SLIRP: variants seen among roughly 807,000 people sequenced by gnomAD.
The protein encoded by SLIRP is SRA stem-loop-interacting RNA-binding protein, mitochondrial.
SLIRP carries 12 observed loss-of-function variants against 13.4 expected under a neutral mutation model. The ratio of observed to expected loss-of-function variants is 0.89; its 90% confidence interval spans 0.57 to 1.45. SLIRP has a LOEUF of 1.45. Ranked by LOEUF, SLIRP falls within the 40% of genes most tolerant of loss-of-function variation. The pLI, the probability that SLIRP is intolerant of heterozygous loss-of-function variation, is 0.00. For synonymous variants in SLIRP, 55 were observed against 47.1 expected, an observed-to-expected ratio of 1.17 and a Z score of -0.69; for missense variants, 154 against 132.2, an observed-to-expected ratio of 1.17 and a Z score of -0.81.
In SLIRP at chr14:77,715,840, T is replaced by C; in HGVS notation, c.225T>C (p.Asn75=). The change falls in exon 3 of 4, where the codon AAT becomes AAC. Residue 75 remains asparagine (N), a synonymous_variant. Transcript: ENST00000557342. ...TTTCTTCAGAAGAAGGACTTCGGAA[T>C]GCACTACAACAGGAAAATCATATTA... is the stretch of plus-strand genomic sequence containing the variant. ...VQFSSEEGLR[N]ALQQENHIID... 6.2e-7 allele frequency: 1 copy of C among 1,614,114 alleles called. No homozygotes were observed. The highest frequency in any genetic ancestry group is 8.5e-7 in the Non-Finnish European group (1 of 1,180,012).
intron 2 of SLIRP, among the ~76,000 whole-genome samples, chr14:77,712,196 G>C (rs2080445594): frequency 6.6e-6 from 1 of 152,008 alleles, no homozygotes; most frequent in Non-Finnish European, 1.5e-5. Flanking sequence ...TGTCAGCTGG[G>C]GCTGTGGTGT....
intron 3 of SLIRP, among the ~76,000 whole-genome samples, chr14:77,716,673 G>A (rs1461001257): frequency 6.6e-6 from 1 of 150,448 alleles, no homozygotes; most frequent in Non-Finnish European, 1.5e-5. Flanking sequence ...AATGGGGGGT[G>A]GTAGAGTGCC....
In SLIRP at chr14:77,717,555, T is replaced by C. The variant is rs1288223078; in HGVS notation, c.324T>C (p.Asp108=). Residue 108 remains aspartate (D), a synonymous_variant, in exon 4 of 4, where the codon GAT becomes GAC. Coordinates refer to ENST00000557342, the MANE Select transcript of SLIRP (RefSeq NM_031210.6). ...AAACATCTGATGATGAAAAGAAAGA[T>C]TTTTGAGACTGCAGCCTATTAATAA... ...LPQTSDDEKK[D]F The C allele has an allele frequency of 1.2e-6, 2 of 1,613,246 alleles. No homozygotes were observed. The highest frequency in any genetic ancestry group is 3.3e-5 in the Admixed American group (2 of 59,978).
chr14:77,717,390 G>C, intron 3 of SLIRP, 106 bp from the exon 4 acceptor site: 1 of 920,636 alleles, frequency 1.1e-6, no homozygotes. Flanking sequence ...AATAAAAACT[G>C]CCTGGGTTAT....
intron 2 of SLIRP, among the ~76,000 whole-genome samples, chr14:77,712,945 AAC>A (rs2080452120): frequency 6.6e-6 from 1 of 151,994 alleles, no homozygotes; most frequent in African/African-American, 2.4e-5. Context: ...TCTTATACAG[AAC>A]ATAATCACAG....
chr14:77,710,733 A>G, intron 1 of SLIRP, 105 bp from the exon 2 acceptor site: 1 of 1,576,922 alleles, frequency 6.3e-7, no homozygotes, highest in South Asian at 1.1e-5. Context: ...GGAAATGCAA[A>G]GTAGTTCCTG....
In SLIRP at chr14:77,717,546, AAAG is replaced by A; in HGVS notation, c.318_320del (p.Lys107del). 6.2e-7 allele frequency: 1 copy of A among 1,613,840 alleles called. No homozygotes were observed. The highest frequency in any genetic ancestry group is 1.7e-5 in the Admixed American group (1 of 59,990). On this transcript the variant is annotated inframe_deletion, in exon 4 of 4. Transcript: ENST00000557342. ...AACTTCCGCAAACATCTGATGATGA[AAAG>A]AAAGATTTTTGAGACTGCAGCCTAT...
At chr14:77,710,261 G>A (rs1255284184) in intron 1 of SLIRP, among the ~76,000 whole-genome samples, 1 of 152,158 alleles carries the variant, frequency 6.6e-6, no homozygotes, top group East Asian at 1.9e-4. Flanking sequence ...GATAGTTATA[G>A]TGTTACAAGT....
chr14:77,717,456 G>A (rs750242973), intron 3 of SLIRP, 40 bp from the exon 4 acceptor site: 3 of 1,560,904 alleles, frequency 1.9e-6, no homozygotes, highest in Non-Finnish European at 2.6e-6. Context: ...TGTTTTTGCA[G>A]ACATTGCCTT....
At chr14:77,716,730 A>G (rs1441004417) in intron 3 of SLIRP, among the ~76,000 whole-genome samples, 2 of 151,302 alleles carry the variant, frequency 1.3e-5, no homozygotes, top group African/African-American at 4.9e-5. Context: ...TTTAATGGGT[A>G]GCAAGATATG....
intron 2 of SLIRP, among the ~76,000 whole-genome samples, chr14:77,714,788 T>C (rs2080463990): frequency 6.6e-6 from 1 of 152,200 alleles, no homozygotes; most frequent in South Asian, 2.1e-4. Flanking sequence ...TTTTGTTTTT[T>C]TTGGCAAAGC....
At chr14:77,708,678 G>C (rs1461947079) in intron 1 of SLIRP, among the ~76,000 whole-genome samples, 1 of 152,206 alleles carries the variant, frequency 6.6e-6, no homozygotes, top group African/African-American at 2.4e-5. Flanking sequence ...AGTGGGAGAA[G>C]TGTACGGAAT....
rs182178867 is a variant in SLIRP, at chr14:77,710,301, A to G, written c.98-537A>G. On this transcript the variant is annotated intron_variant, in intron 1 of 3. Transcript: ENST00000557342. ...CAGGGGGAGATAGGATTACCAACAT[A>G]TGGAGGGGAGAGAACAACATATGCA... Among the ~76,000 whole-genome samples the G allele has an allele frequency of 1.4e-4, 21 of 152,242 alleles. 1 individual carries two copies. Among genetic ancestry groups the G allele is most frequent in the Admixed American group, 9.8e-4 (15 of 15,260 alleles).
At chr14:77,708,776 A>G (rs2080416654) in intron 1 of SLIRP, among the ~76,000 whole-genome samples, 2 of 152,076 alleles carry the variant, frequency 1.3e-5, no homozygotes, top group Non-Finnish European at 2.9e-5. Context: ...AAGATGAGTA[A>G]AGTTTGAATG....
chr14:77,714,716 CTT>C (rs1313501032), intron 2 of SLIRP, among the ~76,000 whole-genome samples: 1 of 152,336 alleles, frequency 6.6e-6, no homozygotes, highest in African/African-American at 2.4e-5. Context: ...TCACCAGAAA[CTT>C]TCCGTCTTCT....
In SLIRP at chr14:77,716,091, C is replaced by T. The variant is rs542027888; in HGVS notation, c.264+212C>T. 60 of 400,432 alleles carry T rather than the reference C, an allele frequency of 1.5e-4. 1 individual carries two copies. The highest frequency in any genetic ancestry group is 3.4e-4 in the East Asian group (7 of 20,774). The allele number at this position is 400,432 out of a possible 1,614,324, so 24.8% of individuals were successfully genotyped here. A position where few individuals can be genotyped will look rare whatever the true frequency, so the allele number is the denominator to read the frequency against. On this transcript the variant is annotated intron_variant, in intron 3 of 3. Coordinates refer to ENST00000557342, the MANE Select transcript of SLIRP (RefSeq NM_031210.6). ...CAGCACTTTGGGAGGCCGAGGCGGG[C>T]GGATCACAAGGTCAGGAGATCGAGA...
At chr14:77,714,571 G>A (rs1231862369) in intron 2 of SLIRP, among the ~76,000 whole-genome samples, 1 of 152,216 alleles carries the variant, frequency 6.6e-6, no homozygotes, top group Non-Finnish European at 1.5e-5. Context: ...AAAGTGCTGG[G>A]ATTGAGCCAC....
intron 2 of SLIRP, among the ~76,000 whole-genome samples, chr14:77,711,244 TATAA>T (rs1210893085): frequency 1.4e-5 from 2 of 147,970 alleles, no homozygotes; most frequent in African/African-American, 4.9e-5. Flanking sequence ...CCTAATAATA[TATAA>T]ATATATATAA....
intron 2 of SLIRP, among the ~76,000 whole-genome samples, chr14:77,714,750 T>C (rs368259326): frequency 4.6e-5 from 7 of 152,236 alleles, no homozygotes; most frequent in East Asian, 1.9e-4. Context: ...TATAAAGTTA[T>C]CCTTGAAGTA....
Sources: allele counts gnomAD v4.1 joint callset (sites outside exome capture counted in the v4.1 genomes callset), GRCh38; gene constraint gnomAD v4.1.1; transcripts MANE v1.5; gene names NCBI Gene and HGNC (gene_info 2026-07-23, HGNC 2026-07-21).